The following CDK14 variants were observed in gnomAD, a reference collection of about 807,000 sequenced individuals.
The protein encoded by CDK14 is cyclin-dependent kinase 14.
CDK14 carries 34 observed loss-of-function variants against 60.7 expected under a neutral mutation model. The observed-to-expected ratio is 0.56, with a 90% CI of 0.43 to 0.75. The LOEUF is 0.75. Among genes scored for constraint, CDK14 ranks in the 30% least tolerant of loss-of-function variants. The probability of loss-of-function intolerance (pLI) is 0.00; values close to 1 mark genes in which losing one functional copy is unlikely to be tolerated. For synonymous variants in CDK14, 197 were observed against 203.7 expected, an observed-to-expected ratio of 0.97 and a Z score of 0.28; for missense variants, 482 against 564.1, an observed-to-expected ratio of 0.85 and a Z score of 1.47.
In CDK14 at chr7:91,142,835, A is replaced by G. The variant is rs147101085; in HGVS notation, c.*28+24627A>G. Among the ~76,000 whole-genome samples the G allele has an allele frequency of 7.7e-3, 1,176 of 152,340 alleles. 14 individuals carry two copies. Among genetic ancestry groups the G allele is most frequent in the African/African-American group, 0.027 (1,107 of 41,582 alleles). ...AAGAAGAAAGATCTCCTTGAAAATA[A>G]GTGACCCAACTGATTGAGAATGAGA... On this transcript the variant is annotated intron_variant, in intron 14 of 14. Coordinates refer to ENST00000380050, the MANE Select transcript of CDK14 (RefSeq NM_001287135.2).
At chr7:91,200,959 A>G (rs935280642) in intron 14 of CDK14, among the ~76,000 whole-genome samples, 16 of 152,200 alleles carry the variant, frequency 1.1e-4, no homozygotes, top group Admixed American at 6.5e-5. Context: ...TTCTAGCATT[A>G]TGGAAACTCA....
chr7:91,057,603 C>A (rs532151008), intron 11 of CDK14, among the ~76,000 whole-genome samples: 1 of 152,180 alleles, frequency 6.6e-6, no homozygotes, highest in South Asian at 2.1e-4. Context: ...GGAAGGGATC[C>A]ATTTTCAGCT....
At chr7:90,874,766 G>A (rs1016490498) in intron 6 of CDK14, among the ~76,000 whole-genome samples, 13 of 150,808 alleles carry the variant, frequency 8.6e-5, no homozygotes, top group African/African-American at 2.9e-4. Context: ...CTGACCTCAT[G>A]ATCCATCCGC....
chr7:91,017,009 T>C, intron 10 of CDK14, among the ~76,000 whole-genome samples: 1 of 152,194 alleles, frequency 6.6e-6, no homozygotes, highest in East Asian at 1.9e-4. Context: ...AAAATTCCTA[T>C]GGGGCTCTTT....
intron 14 of CDK14, among the ~76,000 whole-genome samples, chr7:91,125,125 G>A (rs1424477001): frequency 6.6e-6 from 1 of 152,056 alleles, no homozygotes; most frequent in African/African-American, 2.4e-5. Context: ...ATGTCGAGAA[G>A]GAAAGGCAAA....
chr7:90,963,105 G>C (rs1794651595), intron 9 of CDK14, among the ~76,000 whole-genome samples: 1 of 151,346 alleles, frequency 6.6e-6, no homozygotes, highest in Non-Finnish European at 1.5e-5. Flanking sequence ...GTGTGTGTGT[G>C]TGTGTGTGTG....
intron 2 of CDK14, chr7:90,709,671 A>G: frequency 2.5e-6 from 4 of 1,580,644 alleles, no homozygotes; most frequent in Non-Finnish European, 3.5e-6. Context: ...TTGAGCTGTT[A>G]AAGCTATTGA....
At chr7:90,837,244 T>G (rs1790134814) in intron 5 of CDK14, among the ~76,000 whole-genome samples, 1 of 152,092 alleles carries the variant, frequency 6.6e-6, no homozygotes, top group Admixed American at 6.6e-5. Flanking sequence ...TTAGGCTTGC[T>G]ACACTTCTGC....
At chr7:91,185,930 C>A (rs976883490) in intron 14 of CDK14, among the ~76,000 whole-genome samples, 1 of 152,168 alleles carries the variant, frequency 6.6e-6, no homozygotes, top group East Asian at 1.9e-4. Flanking sequence ...CAGCCTCAGG[C>A]AACTACTCAT....
At chr7:90,711,359 C>T (rs1563053155) in intron 2 of CDK14, among the ~76,000 whole-genome samples, 1 of 150,404 alleles carries the variant, frequency 6.6e-6, no homozygotes, top group African/African-American at 2.4e-5. Context: ...ATTTACCTCT[C>T]TTTTTTTTTA....
chr7:90,845,780 A>C (rs1790450207), intron 5 of CDK14, among the ~76,000 whole-genome samples: 1 of 152,158 alleles, frequency 6.6e-6, no homozygotes, highest in Non-Finnish European at 1.5e-5. Flanking sequence ...TTCTGAAAAA[A>C]TAAAATGAGA....
chr7:91,180,393 A>G (rs887552422), intron 14 of CDK14, among the ~76,000 whole-genome samples: 3 of 152,204 alleles, frequency 2.0e-5, no homozygotes, highest in African/African-American at 7.2e-5. Flanking sequence ...AATATGCTCT[A>G]TGCCTATCAT....
In CDK14 at chr7:90,729,164, A is replaced by T. The variant is rs1802751840; in HGVS notation, c.369+2352A>T. On this transcript the variant is annotated intron_variant, in intron 3 of 14. Transcript: ENST00000380050. ...ATCTCTGGCGGGACTAGGAAGGGAT[A>T]GGGGGCTGGCCGAGGGAGACTGGGG... Among the ~76,000 whole-genome samples the T allele has an allele frequency of 2.0e-5, 3 of 151,732 alleles. No individual in the cohort carries two copies. In the South Asian group the frequency reaches 6.2e-4, roughly 32 times the overall value.
At chr7:90,919,329 G>C (rs191665180) in intron 8 of CDK14, among the ~76,000 whole-genome samples, 1 of 152,048 alleles carries the variant, frequency 6.6e-6, no homozygotes, top group Non-Finnish European at 1.5e-5. Flanking sequence ...AGGATTGTAT[G>C]TTTGTGCTTA....
intron 8 of CDK14, among the ~76,000 whole-genome samples, chr7:90,936,184 T>A (rs1048798823): frequency 6.6e-6 from 1 of 152,220 alleles, no homozygotes; most frequent in Non-Finnish European, 1.5e-5. Flanking sequence ...AAAAGTTGCT[T>A]TATTTTTTTA....
intron 3 of CDK14, among the ~76,000 whole-genome samples, chr7:90,729,156 G>A (rs924733188): frequency 2.0e-5 from 3 of 151,618 alleles, no homozygotes; most frequent in African/African-American, 4.8e-5. Context: ...GCGGGACTAG[G>A]AAGGGATAGG....
intron 4 of CDK14, among the ~76,000 whole-genome samples, chr7:90,759,709 T>G (rs1412178998): frequency 6.6e-6 from 1 of 152,228 alleles, no homozygotes; most frequent in Admixed American, 6.5e-5. Flanking sequence ...CTCTCCTTTC[T>G]TTCCTACTGA....
chr7:91,073,893 G>A lies in CDK14; in HGVS notation c.1106-5539G>A, dbSNP rs111313579. On this transcript the variant is annotated intron_variant, in intron 11 of 14. Transcript: ENST00000380050. ...ACAGACTTTAAACCAACAAAGATCA[G>A]AAAAGACAAAGAAGGGCATTACATG... Among the ~76,000 whole-genome samples, 1,230 of 150,406 alleles carry A rather than the reference G, an allele frequency of 8.2e-3. 19 individuals are homozygous for A. The highest frequency in any genetic ancestry group is 0.028 in the African/African-American group (1,134 of 41,180).
chr7:90,714,326 C>G (rs1327635521), intron 2 of CDK14, among the ~76,000 whole-genome samples: 1 of 152,024 alleles, frequency 6.6e-6, no homozygotes, highest in Non-Finnish European at 1.5e-5. Flanking sequence ...TCTGGAAGCA[C>G]TGGGGTTTGT....
Sources: gnomAD v4.1 joint callset for allele counts (sites outside exome capture counted in the v4.1 genomes callset) on GRCh38, gnomAD v4.1.1 for gene constraint, MANE v1.5 for transcripts, NCBI Gene and HGNC (gene_info 2026-07-23, HGNC 2026-07-21) for gene names.